ABCB11: variants seen among roughly 807,000 people sequenced by gnomAD.
ABCB11 encodes bile salt export pump.
Under a neutral mutation model 148.0 loss-of-function variants are expected in ABCB11, and 95 were observed. The ratio of observed to expected loss-of-function variants is 0.64; its 90% CI spans 0.54 to 0.76. The LOEUF is 0.76. Ranked by LOEUF, ABCB11 falls within the 30% of genes least tolerant of loss-of-function variation. ABCB11 has a pLI of 0.00. For synonymous variants in ABCB11, 591 were observed against 555.4 expected (o/e 1.06, Z -0.90); for missense variants, 1,523 against 1,617.8 (o/e 0.94, Z 1.01).
intron 21 of ABCB11, among the ~76,000 whole-genome samples, chr2:168,936,993 G>T (rs992828193): frequency 6.6e-6 from 1 of 151,980 alleles, no homozygotes; most frequent in South Asian, 2.1e-4. Flanking sequence ...GACTCAAGCA[G>T]CCCTCCTGCC....
chr2:169,007,314 T>G (rs1158115094), intron 5 of ABCB11, among the ~76,000 whole-genome samples: 2 of 152,158 alleles, frequency 1.3e-5, no homozygotes, highest in Non-Finnish European at 2.9e-5. Context: ...AGGAATCAAT[T>G]TGGACCCCTA....
chr2:168,969,905 T>G (rs1693495765), intron 15 of ABCB11, 140 bp downstream of exon 15: 2 of 842,418 alleles, frequency 2.4e-6, no homozygotes, highest in South Asian at 3.6e-5. Context: ...GCTAATATTT[T>G]CTAAACAATC....
intron 23 of ABCB11, among the ~76,000 whole-genome samples, chr2:168,933,424 A>G (rs1691672101): frequency 6.6e-6 from 1 of 152,216 alleles, no homozygotes; most frequent in Non-Finnish European, 1.5e-5. Context: ...GAATAAATGA[A>G]TGATAAATAT....
At chr2:168,962,673 A>G (rs1693128266) in intron 18 of ABCB11, among the ~76,000 whole-genome samples, 1 of 151,770 alleles carries the variant, frequency 6.6e-6, no homozygotes. Context: ...GGTTCAATAG[A>G]AATGTCAATG....
chr2:168,973,838 A>T lies in ABCB11; in HGVS notation c.1311T>A (p.Ile437=), dbSNP rs2105968389. 1.2e-6 allele frequency: 2 copies of T among 1,610,780 alleles called. No homozygotes were observed. The highest frequency in any genetic ancestry group is 4.5e-5 in the East Asian group (2 of 44,790). ...FHYPSRPEVK[I]LNDLNMVIKP... is the part of the protein sequence containing the mutation. ...TAATGACCATGTTGAGGTCATTTAG[A>T]ATCTGGAGAAGAAAGAAAACAGCAA... Residue 437 remains isoleucine, a splice_region_variant and synonymous_variant, in exon 13 of 28, where the codon ATT becomes ATA. Coordinates refer to ENST00000650372, the MANE Select transcript of ABCB11 (RefSeq NM_003742.4).
intron 19 of ABCB11, among the ~76,000 whole-genome samples, chr2:168,954,457 A>C (rs1465750855): frequency 6.6e-6 from 1 of 151,354 alleles, no homozygotes; most frequent in African/African-American, 2.4e-5. Context: ...GAAGAACTTT[A>C]TCTCTCCTTC....
chr2:168,953,073 T>A (rs527317267), intron 19 of ABCB11, among the ~76,000 whole-genome samples: 75 of 151,844 alleles, frequency 4.9e-4, no homozygotes, highest in African/African-American at 1.6e-3. Context: ...GAGAAGATAC[T>A]TGATATGGCT....
At chr2:168,982,668 T>C (rs1694171778) in intron 10 of ABCB11, among the ~76,000 whole-genome samples, 1 of 152,096 alleles carries the variant, frequency 6.6e-6, no homozygotes, top group Admixed American at 6.6e-5. Flanking sequence ...ACGTACTGGA[T>C]TAACCAAACC....
chr2:168,971,412 T>C (rs1291871302), intron 14 of ABCB11, among the ~76,000 whole-genome samples: 1 of 152,020 alleles, frequency 6.6e-6, no homozygotes, highest in South Asian at 2.1e-4. Context: ...ATACAATGAA[T>C]TGTTTTTGAC....
At chr2:169,005,876 T>A (rs940198688) in intron 5 of ABCB11, among the ~76,000 whole-genome samples, 4 of 152,094 alleles carry the variant, frequency 2.6e-5, no homozygotes, top group Non-Finnish European at 1.5e-5. Flanking sequence ...AAAATCTGAG[T>A]GGACCTATAA....
chr2:168,985,967 A>T (rs1225183182), intron 10 of ABCB11, 143 bp downstream of exon 10: 10 of 697,460 alleles, frequency 1.4e-5, no homozygotes, highest in Non-Finnish European at 1.9e-5. Context: ...TTAAGGTATT[A>T]CTTGTTTCCA....
At chr2:168,962,586 T>C (rs902200138) in intron 18 of ABCB11, among the ~76,000 whole-genome samples, 2 of 151,692 alleles carry the variant, frequency 1.3e-5, no homozygotes, top group African/African-American at 4.8e-5. Flanking sequence ...TTCTTACTTT[T>C]ACTTTTATTG....
chr2:168,970,315 C>T, intron 14 of ABCB11, 100 bp from the exon 15 acceptor site: 1 of 1,545,128 alleles, frequency 6.5e-7, no homozygotes, highest in Non-Finnish European at 8.7e-7. Flanking sequence ...TCTTCTCAAG[C>T]ACGAATTTTC....
At chr2:168,961,109 A>G (rs1041187599) in intron 18 of ABCB11, among the ~76,000 whole-genome samples, 1 of 151,762 alleles carries the variant, frequency 6.6e-6, no homozygotes, top group Non-Finnish European at 1.5e-5. Context: ...GGATAAAAGA[A>G]TGAATGAAAC....
intron 25 of ABCB11, 42 bp from the exon 26 acceptor site, chr2:168,927,404 T>G: frequency 6.5e-7 from 1 of 1,536,442 alleles, no homozygotes; most frequent in Middle Eastern, 1.7e-4. Context: ...TTTTTAGAAT[T>G]CCAGCAGTGA....
At chr2:168,972,748 A>C (rs1224634508) in intron 13 of ABCB11, among the ~76,000 whole-genome samples, 1 of 152,050 alleles carries the variant, frequency 6.6e-6, no homozygotes, top group Non-Finnish European at 1.5e-5. Context: ...TAAATAGTTA[A>C]ACGATTCCAT....
chr2:168,954,921 C>T (rs1692725896), intron 19 of ABCB11, among the ~76,000 whole-genome samples: 1 of 151,714 alleles, frequency 6.6e-6, no homozygotes, highest in South Asian at 2.1e-4. Flanking sequence ...CTAGACATCT[C>T]AAAGGCTTTG....
intron 5 of ABCB11, among the ~76,000 whole-genome samples, chr2:169,009,384 A>C (rs943629687): frequency 6.6e-6 from 1 of 152,012 alleles, no homozygotes; most frequent in Admixed American, 6.6e-5. Context: ...TACACCATGG[A>C]ATACTATGCA....
At chr2:169,016,865 T>C in intron 2 of ABCB11, 66 bp from the exon 3 acceptor site, 1 of 1,263,484 alleles carries the variant, frequency 7.9e-7, no homozygotes. Context: ...ACGCAGTCAT[T>C]AAGAAATTTG....
Sources: gnomAD v4.1 joint callset for allele counts (sites outside exome capture counted in the v4.1 genomes callset) on GRCh38, gnomAD v4.1.1 for gene constraint, MANE v1.5 for transcripts, NCBI Gene and HGNC (gene_info 2026-07-23, HGNC 2026-07-21) for gene names.